The following RP1 variants were observed in gnomAD, a reference collection of about 807,000 sequenced individuals.
RP1 encodes RP1 axonemal microtubule associated, also known as oxygen-regulated protein 1.
A neutral mutation model predicts 14.8 loss-of-function variants in RP1; 16 were observed. That is an observed-to-expected ratio of 1.08 (90% CI 0.73 to 1.65). RP1 has a LOEUF of 1.65. Among genes scored for constraint, RP1 ranks in the 40% most tolerant of loss-of-function variants. The pLI, the probability that RP1 is intolerant of heterozygous loss-of-function variation, is 0.00. For missense variants in RP1, 2,631 were observed against 2,535.0 expected, an observed-to-expected ratio of 1.04 and a Z score of -0.81; for synonymous variants, 876 against 883.6, an observed-to-expected ratio of 0.99 and a Z score of 0.15.
Position 54,627,485 on chromosome 8 carries a change from A to C in RP1, c.3603A>C (p.Gln1201His). 2 of 1,614,174 alleles carry C rather than the reference A, an allele frequency of 1.2e-6. No individual in the cohort carries two copies. Among genetic ancestry groups the C allele is most frequent in the Non-Finnish European group, 1.7e-6 (2 of 1,179,968 alleles). The change falls in exon 4 of 4, where the codon CAA becomes CAC. Residue 1201 changes from glutamine to histidine, a missense_variant. Physicochemically the swap from Gln to His is conservative, Grantham distance 24. Coordinates refer to ENST00000220676, the MANE Select transcript of RP1 (RefSeq NM_006269.2). Reference sequence around the variant, plus strand: ...ACTTTGGACTCAGTGAGAAAGAACAAGACATGGTTCCAATAGATCTTTCTG... The same window carrying C: ...ACTTTGGACTCAGTGAGAAAGAACACGACATGGTTCCAATAGATCTTTCTG... ...TSHFGLSEKE[Q>H]DMVPIDLSAN...
chr8:54,711,228 C>T (rs2129346707), intron 15 of RP1, among the ~76,000 whole-genome samples: 1 of 152,212 alleles, frequency 6.6e-6, no homozygotes, highest in South Asian at 2.1e-4. Context: ...TCTTCCTGGC[C>T]TACATCATAC....
Position 54,629,242 on chromosome 8 carries a change from A to C in RP1, c.5360A>C (p.His1787Pro), listed in dbSNP as rs1258247614. The C allele has an allele frequency of 1.2e-6, 2 of 1,614,020 alleles. No individual in the cohort carries two copies. Among genetic ancestry groups the C allele is most frequent in the Admixed American group, 3.3e-5 (2 of 59,996 alleles). ...AACAGCAGTGAGGTACCATATTCAC[A>C]TTTTGGTAATTTGGCCCCAGGCCCA... ...DNNSSEVPYS[H>P]FGNLAPGPTM... The change falls in exon 4 of 4, where the codon CAT (histidine) becomes CCT (proline). Residue 1787 changes from histidine to proline, a missense_variant. Physicochemically the swap from His to Pro is moderately conservative, Grantham distance 77. Coordinates refer to ENST00000220676, the MANE Select transcript of RP1 (RefSeq NM_006269.2).
downstream of RP1, among the ~76,000 whole-genome samples, chr8:54,774,045 C>CTAAACATGAT (rs1216621624): frequency 2.6e-5 from 4 of 152,292 alleles, no homozygotes; most frequent in East Asian, 7.7e-4. Context: ...TTAGTCTCAG[C>CTAAACATGAT]TAAACATGAT....
At chr8:54,870,528 A>C (rs1290914734) in exon 29 of RP1, 1 of 152,186 alleles carries the variant, frequency 6.6e-6, no homozygotes, top group Admixed American at 6.5e-5. Flanking sequence ...CTGTGGGTCC[A>C]CTTGCAGTTT....
intron 6 of RP1, among the ~76,000 whole-genome samples, chr8:54,662,557 G>A (rs894140151): frequency 1.3e-5 from 2 of 152,090 alleles, no homozygotes; most frequent in African/African-American, 4.8e-5. Flanking sequence ...AGAAAATAGA[G>A]AAATGCAAGT....
chr8:54,717,861 A>G (rs1808442214), intron 15 of RP1, among the ~76,000 whole-genome samples: 1 of 152,140 alleles, frequency 6.6e-6, no homozygotes, highest in South Asian at 2.1e-4. Context: ...CAACAAAACA[A>G]TTTCAGAATC....
chr8:54,567,631 G>GA (rs35219913), intron 1 of RP1, among the ~76,000 whole-genome samples: 152 of 149,812 alleles, frequency 1.0e-3, no homozygotes, highest in East Asian at 3.3e-3. Flanking sequence ...TAGGTTCAGG[G>GA]AAAAAAAAAA....
chr8:54,625,101 G>A lies in RP1; in HGVS notation c.1219G>A (p.Glu407Lys). The A allele has an allele frequency of 6.2e-7, 1 of 1,614,180 alleles. No homozygotes were observed. Among genetic ancestry groups the A allele is most frequent in the Non-Finnish European group, 8.5e-7 (1 of 1,180,038 alleles). The change falls in exon 4 of 4, where the codon GAG becomes AAG. Residue 407 changes from glutamate to lysine, a missense_variant. Transcript: ENST00000220676. ...TAATCAAGAGGGCAGTTTGGCAGAGGAGATAAACATTCAAATGACAGATCA... is the reference window on the plus strand; with the variant it reads ...TAATCAAGAGGGCAGTTTGGCAGAGAAGATAAACATTCAAATGACAGATCA... ...SSNQEGSLAE[E>K]INIQMTDQVA...
chr8:54,845,138 G>A (rs191201276), intron 25 of RP1, among the ~76,000 whole-genome samples: 2 of 152,332 alleles, frequency 1.3e-5, no homozygotes, highest in East Asian at 3.9e-4. Context: ...GGCCCCTGGG[G>A]TGAACTGGGG....
chr8:54,794,988 G>T (rs986352921), intron 24 of RP1, among the ~76,000 whole-genome samples: 1 of 151,876 alleles, frequency 6.6e-6, no homozygotes, highest in East Asian at 1.9e-4. Context: ...TACACAAAAA[G>T]GTGCTCAACA....
chr8:54,838,794 C>T (rs979337351), intron 25 of RP1, among the ~76,000 whole-genome samples: 3 of 151,988 alleles, frequency 2.0e-5, no homozygotes, highest in African/African-American at 4.8e-5. Context: ...TTTAAGGAGG[C>T]AGAGGTTCTT....
At chr8:54,686,862 T>A (rs1380123574) in intron 12 of RP1, among the ~76,000 whole-genome samples, 1 of 152,082 alleles carries the variant, frequency 6.6e-6, no homozygotes, top group South Asian at 2.1e-4. Flanking sequence ...AGAGAAAAAA[T>A]TTATAATCTG....
chr8:54,667,545 A>T (rs1392640555), intron 7 of RP1, among the ~76,000 whole-genome samples: 7 of 152,114 alleles, frequency 4.6e-5, no homozygotes, highest in Non-Finnish European at 1.0e-4. Context: ...TTGAAGCTGG[A>T]GAAGCTCCTG....
intron 24 of RP1, among the ~76,000 whole-genome samples, chr8:54,819,450 C>A (rs927884084): frequency 2.0e-5 from 3 of 152,050 alleles, no homozygotes; most frequent in African/African-American, 7.2e-5. Flanking sequence ...TCTGTCTCTC[C>A]AGGATTAGTC....
chr8:54,861,024 A>G (rs1812330619), intron 27 of RP1, among the ~76,000 whole-genome samples: 1 of 152,214 alleles, frequency 6.6e-6, no homozygotes, highest in Non-Finnish European at 1.5e-5. Context: ...AAGCAAGTGA[A>G]AAGTAATTAC....
chr8:54,846,772 G>A (rs143292435), intron 25 of RP1, among the ~76,000 whole-genome samples: 241 of 152,216 alleles, frequency 1.6e-3, no homozygotes, highest in African/African-American at 5.3e-3. Context: ...CATGTCTGAA[G>A]GTGCGAGGGC....
intron 3 of RP1, among the ~76,000 whole-genome samples, chr8:54,624,453 A>G (rs1382159246): frequency 1.3e-5 from 2 of 150,632 alleles, no homozygotes; most frequent in Admixed American, 6.6e-5. Context: ...CAAAAAAAAA[A>G]AAAAAAAAAA....
intron 3 of RP1, among the ~76,000 whole-genome samples, chr8:54,640,250 TC>T (rs952358917): frequency 3.2e-4 from 48 of 152,324 alleles, no homozygotes; most frequent in African/African-American, 1.1e-3. Flanking sequence ...GAAAGGATAG[TC>T]TTTTGTCAAA....
chr8:54,870,596 T>C (rs1022298517), exon 29 of RP1: 1 of 152,204 alleles, frequency 6.6e-6, no homozygotes, highest in African/African-American at 2.4e-5. Flanking sequence ...GCAGGGCAGA[T>C]ATCTCACATC....
Sources: gnomAD v4.1 joint callset for allele counts (sites outside exome capture counted in the v4.1 genomes callset) on GRCh38, gnomAD v4.1.1 for gene constraint, MANE v1.5 for transcripts, NCBI Gene and HGNC (gene_info 2026-07-23, HGNC 2026-07-21) for gene names.